ZSCAN5A: variants seen among roughly 807,000 people sequenced by gnomAD.
ZSCAN5A encodes zinc finger and SCAN domain containing 5A.
ZSCAN5A carries 12 observed loss-of-function variants against 23.7 expected under a neutral mutation model. The observed-to-expected ratio is 0.51, with a 90% CI of 0.32 to 0.82. The LOEUF (loss-of-function observed/expected upper bound fraction) is 0.82, where lower values mean the gene tolerates loss of function less well. Among genes scored for constraint, ZSCAN5A ranks in the 40% least tolerant of loss-of-function variants. ZSCAN5A has a pLI of 0.03. For synonymous variants in ZSCAN5A, 257 were observed against 239.9 expected (o/e 1.07, Z -0.66); for missense variants, 597 against 617.9 (o/e 0.97, Z 0.36).
intron 2 of ZSCAN5A, among the ~76,000 whole-genome samples, chr19:56,333,216 T>G (rs900627544): frequency 6.6e-6 from 1 of 152,136 alleles, no homozygotes; most frequent in African/African-American, 2.4e-5. Context: ...CCAGCAAGAT[T>G]AGGGAGATTT....
At chr19:56,360,725 ATAG>A (rs2041729000) in intron 2 of ZSCAN5A, among the ~76,000 whole-genome samples, 1 of 152,146 alleles carries the variant, frequency 6.6e-6, no homozygotes, top group Non-Finnish European at 1.5e-5. Context: ...AATAAAAACT[ATAG>A]AAACTCTAGA....
At chr19:56,303,833 G>C (rs2040503824) in intron 2 of ZSCAN5A, among the ~76,000 whole-genome samples, 1 of 152,006 alleles carries the variant, frequency 6.6e-6, no homozygotes, top group South Asian at 2.1e-4. Context: ...GGACATAAGA[G>C]ATGAGACAGT....
At chr19:56,335,841 T>C (rs1478936817) in intron 2 of ZSCAN5A, among the ~76,000 whole-genome samples, 27 of 152,082 alleles carry the variant, frequency 1.8e-4, no homozygotes, top group Non-Finnish European at 5.9e-5. Flanking sequence ...CTTTCACTTA[T>C]GAAGCTTAGT....
chr19:56,262,549 T>G (rs2037200025), intron 2 of ZSCAN5A, among the ~76,000 whole-genome samples: 1 of 151,796 alleles, frequency 6.6e-6, no homozygotes, highest in African/African-American at 2.4e-5. Flanking sequence ...AGCCTCCCAG[T>G]ATCCCAAGTA....
At chr19:56,311,825 A>C (rs550136918) in intron 2 of ZSCAN5A, 1 of 152,102 alleles carries the variant, frequency 6.6e-6, no homozygotes, top group East Asian at 1.9e-4. Flanking sequence ...CTCCCTCCCC[A>C]CAATCCCATA....
intron 2 of ZSCAN5A, among the ~76,000 whole-genome samples, chr19:56,287,941 G>A (rs2147125875): frequency 6.6e-6 from 1 of 152,346 alleles, no homozygotes; most frequent in South Asian, 2.1e-4. Flanking sequence ...TGTTAGCTCT[G>A]AAACTCTCGC....
chr19:56,358,735 C>T (rs1600302757), intron 2 of ZSCAN5A, among the ~76,000 whole-genome samples: 1 of 152,288 alleles, frequency 6.6e-6, no homozygotes, highest in East Asian at 1.9e-4. Flanking sequence ...TCTCAGTCCA[C>T]AGCACAATCA....
At chr19:56,291,756 C>CCT (rs2039523718) in intron 2 of ZSCAN5A, among the ~76,000 whole-genome samples, 1 of 151,660 alleles carries the variant, frequency 6.6e-6, no homozygotes, top group Non-Finnish European at 1.5e-5. Flanking sequence ...TTTTTAAACT[C>CCT]AAGAACTGGG....
In ZSCAN5A at chr19:56,336,657, G is replaced by A. The variant is rs2041540354; in HGVS notation, c.-357-20389C>T. Among the ~76,000 whole-genome samples the A allele has an allele frequency of 2.6e-5, 4 of 152,200 alleles. No homozygotes were observed. The South Asian group carries it at 8.3e-4, about 31-fold the overall frequency. On this transcript the variant is annotated intron_variant, in intron 2 of 6. Transcript: ENST00000587340. ...TGCATTCCTTTGGAGGAGGAGAGGTGCTCTGATTTTTAGAGTTTCTAGTTT... is the reference window on the plus strand; with the variant it reads ...TGCATTCCTTTGGAGGAGGAGAGGTACTCTGATTTTTAGAGTTTCTAGTTT...
At chr19:56,273,328 C>T (rs780865746) in intron 2 of ZSCAN5A, among the ~76,000 whole-genome samples, 1 of 152,160 alleles carries the variant, frequency 6.6e-6, no homozygotes, top group African/African-American at 2.4e-5. Context: ...CAGACTTTTG[C>T]GACGTAAAGA....
At chr19:56,362,354 G>C (rs939185322) in intron 2 of ZSCAN5A, among the ~76,000 whole-genome samples, 6 of 151,878 alleles carry the variant, frequency 4.0e-5, no homozygotes, top group Non-Finnish European at 2.9e-5. Context: ...ATCACCTGAG[G>C]TCAGGGGTTT....
chr19:56,245,479 A>C lies in ZSCAN5A; in HGVS notation c.-127-20306T>G, dbSNP rs991199212. 16 of 553,918 alleles carry C rather than the reference A, an allele frequency of 2.9e-5. No individual in the cohort carries two copies. In the East Asian group the frequency reaches 4.7e-4, roughly 16 times the overall value. 34.3% of individuals were successfully genotyped at this position (553,918 alleles called of 1,614,324 possible). The stretch of plus-strand genomic sequence containing the variant: ...CAGAGGTGGGAGAAGGAACAGGAGA[A>C]AACTGAGTGTGCCTCTGGACTGATT... On this transcript the variant is annotated intron_variant, in intron 2 of 5. Coordinates refer to ENST00000683990, the MANE Select transcript of ZSCAN5A (RefSeq NM_001322064.3).
rs1466583036 is a variant in ZSCAN5A at position 56,352,790 on chromosome 19, T to C, written c.-358+10445A>G. 6.6e-6 allele frequency among the ~76,000 whole-genome samples: 1 copy of C among 152,152 alleles called. No homozygotes were observed. Among genetic ancestry groups the C allele is most frequent in the Non-Finnish European group, 1.5e-5 (1 of 68,014 alleles). On this transcript the variant is annotated intron_variant, in intron 2 of 6. Transcript: ENST00000587340. The surrounding 1 kb of genome is among the most constrained non-coding windows in gnomAD (Gnocchi z 4.2). ...GGATTCTCATTACCCTTGTTGAAAC[T>C]GGGTGCAACACAGTTTCAACACAGA...
intron 2 of ZSCAN5A, chr19:56,228,317 G>C (rs1193136073): frequency 3.0e-6 from 3 of 985,210 alleles, no homozygotes; most frequent in Non-Finnish European, 3.6e-6. Context: ...GCCTGGAGCT[G>C]AACTGCGTCT....
At chr19:56,280,479 G>C (rs2038608518) in intron 2 of ZSCAN5A, 1 of 151,648 alleles carries the variant, frequency 6.6e-6, no homozygotes, top group Admixed American at 6.6e-5. Context: ...ATATCTGTAG[G>C]ATTATACATG....
chr19:56,294,233 T>A (rs2039710846), intron 2 of ZSCAN5A, among the ~76,000 whole-genome samples: 1 of 152,080 alleles, frequency 6.6e-6, no homozygotes, highest in South Asian at 2.1e-4. Context: ...GCCCACCAGG[T>A]GCCAAGCTCT....
chr19:56,221,402 A>G lies in ZSCAN5A; in HGVS notation c.*173T>C, dbSNP rs1248862278. 3 of 683,572 alleles carry G rather than the reference A, an allele frequency of 4.4e-6. No homozygotes were observed. The highest frequency in any genetic ancestry group is 6.9e-6 in the Non-Finnish European group (3 of 434,882). The allele number at this position is 683,572 out of a possible 1,614,324, so 42.3% of individuals were successfully genotyped here. A position where few individuals can be genotyped will look rare whatever the true frequency, so the allele number is the denominator to read the frequency against. ...AACAATGGACATAATGAAACAGAAA[A>G]CAAAGCTCAGTGGGGAGGACACATA... On this transcript the variant is annotated 3_prime_UTR_variant, in exon 6 of 6. Transcript: ENST00000683990.
chr19:56,313,553 C>T (rs2041175153), intron 1 of ZSCAN5A, among the ~76,000 whole-genome samples, 169 bp from the exon 2 acceptor site: 1 of 152,192 alleles, frequency 6.6e-6, no homozygotes, highest in African/African-American at 2.4e-5. Context: ...GAAGAGAATG[C>T]CAATCCCTCC....
chr19:56,337,625 G>C (rs1324306796), intron 2 of ZSCAN5A, among the ~76,000 whole-genome samples: 1 of 152,214 alleles, frequency 6.6e-6, no homozygotes, highest in Non-Finnish European at 1.5e-5. Flanking sequence ...TCCCCAGTGA[G>C]ATGAACCCAG....
Sources: allele counts gnomAD v4.1 joint callset (sites outside exome capture counted in the v4.1 genomes callset), GRCh38; gene constraint gnomAD v4.1.1; non-coding constraint Gnocchi (gnomAD v3.1); transcripts MANE v1.5; gene names NCBI Gene and HGNC (gene_info 2026-07-23, HGNC 2026-07-21).